The following NME9 variants were observed in gnomAD, a reference collection of about 807,000 sequenced individuals.
NME9 encodes the protein NME/NM23 family member 9.
Under a neutral mutation model 44.4 loss-of-function variants are expected in NME9, and 48 were observed. The observed-to-expected ratio is 1.08, with a 90% confidence interval of 0.86 to 1.37. NME9 has a LOEUF of 1.37. NME9 is among the 40% of genes most tolerant of loss of function. The pLI, the probability that NME9 is intolerant of heterozygous loss-of-function variation, is 0.00. For synonymous variants in NME9, 139 were observed against 147.1 expected (o/e 0.94, Z 0.40); for missense variants, 325 against 405.2 (o/e 0.80, Z 1.70).
downstream of NME9, chr3:138,297,124 G>A (rs1228194263): frequency 6.6e-6 from 1 of 152,200 alleles, no homozygotes; most frequent in Non-Finnish European, 1.5e-5. Context: ...GTATGCTTTT[G>A]TAAAACGAGA....
At chr3:138,269,647 T>C (rs1041995867) in intron 8 of NME9, among the ~76,000 whole-genome samples, 7 of 152,134 alleles carry the variant, frequency 4.6e-5, no homozygotes, top group African/African-American at 1.4e-4. Flanking sequence ...ATGCACAAGA[T>C]GTACACATAA....
chr3:138,315,332 T>C (rs1040454574), intron 5 of NME9, among the ~76,000 whole-genome samples, 195 bp downstream of exon 5: 9 of 152,186 alleles, frequency 5.9e-5, no homozygotes, highest in Admixed American at 1.3e-4. Flanking sequence ...ATGAAAGAGA[T>C]GGCTTTTATA....
chr3:138,309,817 C>G (rs548179064), intron 6 of NME9, among the ~76,000 whole-genome samples: 1 of 151,946 alleles, frequency 6.6e-6, no homozygotes, highest in Non-Finnish European at 1.5e-5. Flanking sequence ...CACCTGAGGT[C>G]GGGAGTTCCA....
intron 8 of NME9, among the ~76,000 whole-genome samples, chr3:138,266,618 C>T (rs943644825): frequency 6.6e-6 from 1 of 152,132 alleles, no homozygotes; most frequent in African/African-American, 2.4e-5. Flanking sequence ...AATACAGGCT[C>T]AGGCTAGTTA....
At chr3:138,297,691 A>G (rs2051608054), downstream of NME9, 1 of 152,350 alleles carries the variant, frequency 6.6e-6, no homozygotes, top group East Asian at 1.9e-4. Context: ...AAAATCTGTC[A>G]CAACAGGACT....
intron 8 of NME9, among the ~76,000 whole-genome samples, chr3:138,264,398 G>C (rs1043496350): frequency 2.7e-5 from 4 of 149,348 alleles, no homozygotes; most frequent in African/African-American, 9.8e-5. Context: ...GGAACTACAG[G>C]CCTGATTTTC....
intron 6 of NME9, among the ~76,000 whole-genome samples, chr3:138,308,969 A>T (rs866565790): frequency 6.8e-6 from 1 of 148,030 alleles, no homozygotes; most frequent in Non-Finnish European, 1.5e-5. Flanking sequence ...AAAAAAAAAA[A>T]CTGTCATCCA....
intron 8 of NME9, among the ~76,000 whole-genome samples, chr3:138,295,090 G>T (rs576982704): frequency 1.8e-4 from 27 of 152,130 alleles, no homozygotes; most frequent in Admixed American, 1.6e-3. Flanking sequence ...GTAGAAACAG[G>T]GTTTCACCGT....
chr3:138,263,492 G>A, intron 8 of NME9: 2 of 507,076 alleles, frequency 3.9e-6, no homozygotes, highest in East Asian at 6.9e-5. Context: ...TGTGTTAAAT[G>A]TCTTTAAAAA....
chr3:138,328,003 C>T (rs1391541612), intron 1 of NME9, among the ~76,000 whole-genome samples: 4 of 152,234 alleles, frequency 2.6e-5, no homozygotes, highest in Middle Eastern at 3.4e-3. Context: ...GCTCTGCAGG[C>T]GTTACAGGAC....
chr3:138,281,625 A>G (rs2049938266), intron 8 of NME9, among the ~76,000 whole-genome samples: 1 of 152,028 alleles, frequency 6.6e-6, no homozygotes, highest in Non-Finnish European at 1.5e-5. Context: ...GCTTGTCTCC[A>G]TAGGAATATT....
chr3:138,268,241 TAA>T (rs1441408443), intron 8 of NME9, among the ~76,000 whole-genome samples: 1 of 151,876 alleles, frequency 6.6e-6, no homozygotes, highest in Non-Finnish European at 1.5e-5. Context: ...AGACTCCATC[TAA>T]AAAATAAAAC....
chr3:138,308,962 A>C (rs903737043), intron 6 of NME9, among the ~76,000 whole-genome samples: 36 of 150,976 alleles, frequency 2.4e-4, no homozygotes, highest in African/African-American at 4.6e-4. Context: ...AAAAAAAAAA[A>C]AAAAAAACTG....
In NME9 at chr3:138,324,693, T is replaced by TACACAC. The variant is rs55961241; in HGVS notation, c.91+174_91+179dup. On this transcript the variant is annotated intron_variant, in intron 2 of 10. Coordinates refer to ENST00000333911, the MANE Select transcript of NME9 (RefSeq NM_001349018.2). ...TGAATTTACTGATATTCAAGCCAGA[T>TACACAC]ACACACACACACACACACACACACA... is the stretch of plus-strand genomic sequence containing the variant. The TACACAC allele has an allele frequency of 1.2e-3, 634 of 534,570 alleles. 3 individuals are homozygous for TACACAC. Among genetic ancestry groups the TACACAC allele is most frequent in the African/African-American group, 9.6e-3 (461 of 48,036 alleles). The allele number at this position is 534,570 out of a possible 1,614,324, so 33.1% of individuals were successfully genotyped here.
At chr3:138,318,325 C>G in intron 3 of NME9, 106 bp from the exon 4 acceptor site, 1 of 758,222 alleles carries the variant, frequency 1.3e-6, no homozygotes, top group South Asian at 1.4e-5. Context: ...GACTGACTTC[C>G]CCAGGTAGAG....
At chr3:138,300,741 G>A (rs952416291), downstream of NME9, among the ~76,000 whole-genome samples, 18 of 152,184 alleles carry the variant, frequency 1.2e-4, no homozygotes, top group Non-Finnish European at 1.0e-4. Context: ...GGAGGGATGC[G>A]TCAAGAAAAT....
At position 138,301,200 on chromosome 3, in the gene NME9, CT is replaced by C. The variant is rs1012349169; in HGVS notation, c.*439del. On this transcript the variant is annotated 3_prime_UTR_variant, in exon 11 of 11. Transcript: ENST00000333911. Reference sequence around the variant, plus strand: ...AAGTATATACTATTCTCTTTCTTTACTTTTTTTTTTATTATTATTATTAAGA... The same window carrying C: ...AAGTATATACTATTCTCTTTCTTTACTTTTTTTTTATTATTATTATTAAGA... 2,483 of 722,654 alleles carry C rather than the reference CT, an allele frequency of 3.4e-3. No homozygotes were observed. Among genetic ancestry groups the C allele is most frequent in the Middle Eastern group, 5.2e-3 (7 of 1,346 alleles). The allele number at this position is 722,654 out of a possible 1,614,324, so 44.8% of individuals were successfully genotyped here.
At chr3:138,306,363 G>C (rs573624089) in intron 7 of NME9, 35 bp downstream of exon 7, 2 of 1,458,348 alleles carry the variant, frequency 1.4e-6, no homozygotes, top group African/African-American at 2.8e-5. Context: ...GAGGACACAA[G>C]GACAGTGGTG....
chr3:138,277,736 C>T (rs1240739401), intron 8 of NME9, among the ~76,000 whole-genome samples: 1 of 152,186 alleles, frequency 6.6e-6, no homozygotes, highest in Non-Finnish European at 1.5e-5. Flanking sequence ...CAGTTTCTTA[C>T]AAAGTTGTAC....
Sources: gnomAD v4.1 joint callset for allele counts (sites outside exome capture counted in the v4.1 genomes callset) on GRCh38, gnomAD v4.1.1 for gene constraint, MANE v1.5 for transcripts, NCBI Gene and HGNC (gene_info 2026-07-23, HGNC 2026-07-21) for gene names.